The following SLC35F1 variants were observed in gnomAD, a reference collection of about 807,000 sequenced individuals.
SLC35F1 encodes the protein chromosome 6 open reading frame 169.
Under a neutral mutation model 48.7 loss-of-function variants are expected in SLC35F1, and 14 were observed. The observed-to-expected ratio is 0.29, with a 90% CI of 0.19 to 0.45. The LOEUF (loss-of-function observed/expected upper bound fraction) is 0.45. Ranked by LOEUF, SLC35F1 falls within the 20% of genes least tolerant of loss-of-function variation. The pLI, the probability that SLC35F1 is intolerant of heterozygous loss-of-function variation, is 1.00. For synonymous variants in SLC35F1, 190 were observed against 202.2 expected (o/e 0.94, Z 0.51); for missense variants, 404 against 500.0 (o/e 0.81, Z 1.83).
At chr6:118,268,600 A>ATTT (rs139088554) in intron 4 of SLC35F1, among the ~76,000 whole-genome samples, 20 of 87,878 alleles carry the variant, frequency 2.3e-4, no homozygotes, top group East Asian at 3.3e-4. Context: ...ATATATATAT[A>ATTT]TTTTTTTTTT....
rs1775943126 is a variant in SLC35F1 at position 117,923,643 on chromosome 6, G to GCACACATA, written c.173+15744_173+15745insCACACATA. ...TGTATATATACATATATGTACATAT[G>GCACACATA]TACATATGTACATATGTATATATAC... On this transcript the variant is annotated intron_variant, in intron 1 of 7. Coordinates refer to ENST00000360388, the MANE Select transcript of SLC35F1 (RefSeq NM_001029858.4). 1.2e-4 allele frequency among the ~76,000 whole-genome samples: 7 copies of GCACACATA among 58,738 alleles called. 2 individuals are homozygous for GCACACATA. Among genetic ancestry groups the GCACACATA allele is most frequent in the Admixed American group, 1.0e-3 (5 of 4,818 alleles). The allele number at this position is 58,738 out of a possible 152,430, so 38.5% of individuals were successfully genotyped here.
chr6:117,942,909 C>T (rs2114821106), intron 1 of SLC35F1, among the ~76,000 whole-genome samples: 1 of 152,188 alleles, frequency 6.6e-6, no homozygotes, highest in South Asian at 2.1e-4. Flanking sequence ...AATTAACAGC[C>T]TGTAGTTTTT....
At chr6:118,281,777 C>T (rs1398097485) in intron 6 of SLC35F1, among the ~76,000 whole-genome samples, 1 of 152,210 alleles carries the variant, frequency 6.6e-6, no homozygotes, top group Non-Finnish European at 1.5e-5. Flanking sequence ...ACCTTTGTAA[C>T]TTGTACTCCA....
intron 2 of SLC35F1, among the ~76,000 whole-genome samples, chr6:118,184,536 C>G (rs1052158526): frequency 1.3e-5 from 2 of 152,192 alleles, no homozygotes; most frequent in Admixed American, 1.3e-4. Context: ...GAGTATTCTG[C>G]ACCTGAATTT....
intron 1 of SLC35F1, among the ~76,000 whole-genome samples, chr6:117,966,991 G>T (rs1437107413): frequency 1.3e-5 from 2 of 152,150 alleles, no homozygotes; most frequent in Non-Finnish European, 2.9e-5. Context: ...TGATATTTTT[G>T]ATTTGTTTCA....
At chr6:118,269,789 G>A (rs920904793) in intron 4 of SLC35F1, among the ~76,000 whole-genome samples, 10 of 151,920 alleles carry the variant, frequency 6.6e-5, no homozygotes, top group Non-Finnish European at 1.0e-4. Flanking sequence ...AAATCCCAAC[G>A]ACTCAAGAGG....
intron 2 of SLC35F1, among the ~76,000 whole-genome samples, chr6:118,219,799 A>C (rs6909566): frequency 0.046 from 7,073 of 152,310 alleles, 214 homozygotes; most frequent in African/African-American, 0.078. Flanking sequence ...CTGGATTAAG[A>C]AAATGTGGCA....
At chr6:118,119,323 T>C (rs146276297) in intron 1 of SLC35F1, among the ~76,000 whole-genome samples, 149 of 152,318 alleles carry the variant, frequency 9.8e-4, no homozygotes, top group African/African-American at 3.5e-3. Flanking sequence ...TAGAACATGA[T>C]AATTTTGTAC....
At chr6:118,042,333 A>C (rs1483045552) in intron 1 of SLC35F1, among the ~76,000 whole-genome samples, 1 of 152,224 alleles carries the variant, frequency 6.6e-6, no homozygotes, top group Non-Finnish European at 1.5e-5. Flanking sequence ...GCTCTAATCA[A>C]TTAAAAATGA....
intron 1 of SLC35F1, among the ~76,000 whole-genome samples, chr6:118,061,877 T>C (rs1164793401): frequency 6.6e-6 from 1 of 152,078 alleles, no homozygotes; most frequent in Admixed American, 6.6e-5. Context: ...GAGAATCTAA[T>C]GCCGCCACTG....
At chr6:118,267,532 C>T (rs1348255256) in intron 4 of SLC35F1, among the ~76,000 whole-genome samples, 1 of 152,216 alleles carries the variant, frequency 6.6e-6, no homozygotes, top group Admixed American at 6.5e-5. Context: ...TAATTCACTC[C>T]TGAGCCACAG....
In SLC35F1 at chr6:117,923,646, C is replaced by CATATGTATATATACAT. The variant is rs1775944215; in HGVS notation, c.173+15754_173+15755insTATATACATATATGTA. Among the ~76,000 whole-genome samples, 3 of 102,008 alleles carry CATATGTATATATACAT rather than the reference C, an allele frequency of 2.9e-5. 1 individual carries two copies. Among genetic ancestry groups the CATATGTATATATACAT allele is most frequent in the Non-Finnish European group, 5.7e-5 (3 of 52,474 alleles). The allele number at this position is 102,008 out of a possible 152,430, so 66.9% of individuals were successfully genotyped here. On this transcript the variant is annotated intron_variant, in intron 1 of 7. Coordinates refer to ENST00000360388, the MANE Select transcript of SLC35F1 (RefSeq NM_001029858.4). ...ATATATACATATATGTACATATGTA[C>CATATGTATATATACAT]ATATGTACATATGTATATATACATA...
At chr6:118,239,343 C>T (rs1429714179) in intron 3 of SLC35F1, among the ~76,000 whole-genome samples, 2 of 150,996 alleles carry the variant, frequency 1.3e-5, no homozygotes, top group African/African-American at 2.4e-5. Flanking sequence ...TATTTAGAGG[C>T]CCCCAGAATG....
At chr6:118,281,198 C>CTATATATATA (rs1349203619) in intron 6 of SLC35F1, among the ~76,000 whole-genome samples, 6 of 121,930 alleles carry the variant, frequency 4.9e-5, no homozygotes, top group African/African-American at 1.6e-4. Context: ...CTCTCTCTCT[C>CTATATATATA]TCTCTCTATA....
At chr6:118,176,035 AG>A (rs1774483974) in intron 2 of SLC35F1, among the ~76,000 whole-genome samples, 1 of 152,108 alleles carries the variant, frequency 6.6e-6, no homozygotes, top group Admixed American at 6.6e-5. Flanking sequence ...ATTGGATTCC[AG>A]GGAAATGTAT....
chr6:117,942,163 T>C (rs1209779710), intron 1 of SLC35F1, among the ~76,000 whole-genome samples: 3 of 152,174 alleles, frequency 2.0e-5, no homozygotes, highest in Non-Finnish European at 4.4e-5. Flanking sequence ...CAGTCACTTG[T>C]TTAAGATGAT....
chr6:118,274,880 C>T (rs987263623), intron 4 of SLC35F1, among the ~76,000 whole-genome samples: 6 of 152,188 alleles, frequency 3.9e-5, no homozygotes, highest in Middle Eastern at 3.2e-3. Flanking sequence ...GCAATCTTGA[C>T]GGCTTCTGTT....
At chr6:117,948,667 G>A (rs535682098) in intron 1 of SLC35F1, among the ~76,000 whole-genome samples, 1 of 152,256 alleles carries the variant, frequency 6.6e-6, no homozygotes, top group South Asian at 2.1e-4. Context: ...TAATACAATT[G>A]ATAACTGCCT....
intron 7 of SLC35F1, among the ~76,000 whole-genome samples, chr6:118,296,348 C>G (rs1776183430): frequency 1.3e-5 from 2 of 152,334 alleles, no homozygotes; most frequent in Admixed American, 1.3e-4. Context: ...AGCCTGGAGA[C>G]TTTCATGGCT....
Sources: allele counts gnomAD v4.1 joint callset (sites outside exome capture counted in the v4.1 genomes callset), GRCh38; gene constraint gnomAD v4.1.1; transcripts MANE v1.5; gene names NCBI Gene and HGNC (gene_info 2026-07-23, HGNC 2026-07-21).